PLEC: variants seen among roughly 807,000 people sequenced by gnomAD.
The protein encoded by PLEC is plectin.
PLEC carries 216 observed loss-of-function variants against 392.8 expected under a neutral mutation model. The observed-to-expected ratio is 0.55, with a 90% CI of 0.49 to 0.62. The LOEUF is 0.62. PLEC is among the 20% of genes least tolerant of loss of function. The pLI is 0.00. For missense variants in PLEC, 6,863 were observed against 6,563.4 expected (o/e 1.05, Z -1.58); for synonymous variants, 3,621 against 2,980.6 (o/e 1.21, Z -7.00).
chr8:143,951,977 G>C (rs1564212833), upstream of PLEC, among the ~76,000 whole-genome samples: 1 of 151,978 alleles, frequency 6.6e-6, no homozygotes, highest in African/African-American at 2.4e-5. Context: ...CACCCGTATC[G>C]CTGCTCGCCC....
upstream of PLEC, chr8:143,942,446 C>T (rs782745581): frequency 1.9e-6 from 3 of 1,603,066 alleles, no homozygotes; most frequent in East Asian, 2.2e-5. Flanking sequence ...TCGCAGCCCC[C>T]GTCCAGCCAG....
At chr8:143,931,791 C>T in intron 18 of PLEC, 132 bp from the exon 19 acceptor site, 1 of 1,481,918 alleles carries the variant, frequency 6.7e-7, no homozygotes. Flanking sequence ...TGGGGAGCAC[C>T]CCTGTCCAAG....
At position 143,916,353 on chromosome 8, in the gene PLEC, G is replaced by A. The variant is rs782717056; in HGVS notation, c.13468C>T (p.Arg4490Cys). Reference sequence around the variant, plus strand: ...CGGGAGCCGGTGCGCGAGCCGGTGCGGGAGCCAGCGGTAGAGCCGGAGCCG... The same window carrying A: ...CGGGAGCCGGTGCGCGAGCCGGTGCAGGAGCCAGCGGTAGAGCCGGAGCCG... ...VSGSGSTAGSRTGSRTGSRAG... is the reference protein window; with the variant it reads ...VSGSGSTAGSCTGSRTGSRAG... Residue 4490 changes from arginine to cysteine, a missense_variant, in exon 32 of 32, where the codon CGC (arginine) becomes TGC (cysteine). Physicochemically the swap from Arg to Cys is radical, Grantham distance 180. Coordinates refer to ENST00000345136, the MANE Select transcript of PLEC (RefSeq NM_201384.3). The A allele has an allele frequency of 5.1e-5, 82 of 1,605,858 alleles. No homozygotes were observed. The highest frequency in any genetic ancestry group is 1.7e-4 in the South Asian group (15 of 90,820).
chr8:143,933,425 C>A, intron 12 of PLEC, 74 bp from the exon 13 acceptor site: 1 of 1,570,072 alleles, frequency 6.4e-7, no homozygotes, highest in Non-Finnish European at 8.7e-7. Flanking sequence ...GCCAAGACGG[C>A]CACCCTCAGC....
chr8:143,930,324 C>A (rs782556271), intron 20 of PLEC, 26 bp from the exon 21 acceptor site: 3 of 1,595,036 alleles, frequency 1.9e-6, no homozygotes, highest in Admixed American at 3.4e-5. Context: ...TCGGTGAGGA[C>A]ATGGCCACAC....
rs575902268 is a variant in PLEC at position 143,950,086 on chromosome 8, G to A, written c.523+98C>T. On this transcript the variant is annotated intron_variant, in intron 1 of 31. Coordinates refer to the PLEC transcript ENST00000322810. ...GTGAGCGACGCTCCGCAAGCCGGCTGACCACTCCAACCACTCCAGCCCAGG... is the reference window on the plus strand; with the variant it reads ...GTGAGCGACGCTCCGCAAGCCGGCTAACCACTCCAACCACTCCAGCCCAGG... 7.8e-6 allele frequency: 11 copies of A among 1,408,046 alleles called. No homozygotes were observed. The East Asian group carries it at 2.5e-4, about 32-fold the overall frequency. The allele number at this position is 1,408,046 out of a possible 1,614,324, so 87.2% of individuals were successfully genotyped here.
chr8:143,957,630 T>C (rs10095172), upstream of PLEC, among the ~76,000 whole-genome samples: 27,865 of 152,018 alleles, frequency 0.18, 6,256 homozygotes, highest in African/African-American at 0.53. Flanking sequence ...CAGAGCAACC[T>C]CCTCTTCACC....
At chr8:143,953,686 G>T (rs782163864), upstream of PLEC, 11 of 1,594,844 alleles carry the variant, frequency 6.9e-6, no homozygotes. Context: ...TCACTGTGTG[G>T]TCCGCGCCCC....
In PLEC at chr8:143,926,977, C is replaced by T; in HGVS notation, c.3945G>A (p.Glu1315=). Residue 1315 remains glutamate (E), a splice_region_variant and synonymous_variant, in exon 29 of 32, where the codon GAG becomes GAA. Coordinates refer to ENST00000345136, the MANE Select transcript of PLEC (RefSeq NM_201384.3). Reference sequence around the variant, plus strand: ...CCAGTTAGGTTCGGCCCCACCCTACCTCCTGGATGACACTCTCTGATCCCG... The same window carrying T: ...CCAGTTAGGTTCGGCCCCACCCTACTTCCTGGATGACACTCTCTGATCCCG... ...VQSGSESVIQ[E]YVDLRTHYSE... is the part of the protein sequence containing the mutation. The T allele has an allele frequency of 6.2e-7, 1 of 1,612,768 alleles. No individual in the cohort carries two copies. The highest frequency in any genetic ancestry group is 8.5e-7 in the Non-Finnish European group (1 of 1,179,510).
At chr8:143,931,759 G>C in intron 18 of PLEC, 100 bp from the exon 19 acceptor site, 1 of 1,538,598 alleles carries the variant, frequency 6.5e-7, no homozygotes, top group East Asian at 2.4e-5. Context: ...TGAGGAAGGA[G>C]TGGCAAAGCC....
At chr8:143,957,917 C>A (rs1225725058), upstream of PLEC, among the ~76,000 whole-genome samples, 1 of 152,064 alleles carries the variant, frequency 6.6e-6, no homozygotes, top group African/African-American at 2.4e-5. Context: ...AGGCGACCTG[C>A]GACAGGCAGA....
chr8:143,934,128 G>C (rs552889311), intron 11 of PLEC, 37 bp from the exon 12 acceptor site: 3 of 1,602,322 alleles, frequency 1.9e-6, no homozygotes, highest in East Asian at 2.3e-5. Context: ...CGCGTTGGCC[G>C]GGTCCGGCAC....
At chr8:143,939,633 C>G (rs960980029), upstream of PLEC, 2 of 1,426,796 alleles carry the variant, frequency 1.4e-6, no homozygotes, top group Non-Finnish European at 1.8e-6. Flanking sequence ...CTGTACTCCC[C>G]GGCGAGGCCG....
upstream of PLEC, among the ~76,000 whole-genome samples, chr8:143,942,177 C>T (rs1830593128): frequency 6.6e-6 from 1 of 151,008 alleles, no homozygotes; most frequent in African/African-American, 2.5e-5. Context: ...GCCCCGCCCC[C>T]TCCAGCCCCT....
chr8:143,968,013 A>G (rs1279962146), intron 1 of PLEC, among the ~76,000 whole-genome samples: 9 of 151,906 alleles, frequency 5.9e-5, no homozygotes, highest in African/African-American at 2.2e-4. Context: ...ATGTAATCCC[A>G]GCTACTCGGC....
upstream of PLEC, among the ~76,000 whole-genome samples, chr8:143,951,784 A>G (rs1832171801): frequency 1.3e-5 from 2 of 152,286 alleles, no homozygotes; most frequent in South Asian, 4.1e-4. Context: ...CCAGGCCAGA[A>G]GACGGCCAGG....
chr8:143,962,699 G>A (rs1275965491), intron 1 of PLEC, among the ~76,000 whole-genome samples: 2 of 152,234 alleles, frequency 1.3e-5, no homozygotes, highest in East Asian at 1.9e-4. Flanking sequence ...ACATTGAAGC[G>A]AAACTTCGCC....
chr8:143,923,525 G>T lies in PLEC; in HGVS notation c.6404C>A (p.Ala2135Glu). The change falls in exon 31 of 32, where the codon GCA (alanine) becomes GAA (glutamate). Residue 2135 changes from alanine (A) to glutamate (E), a missense_variant. Transcript: ENST00000345136. ...AQARAQAQAAAEKLRKEAEQE... is the reference protein window; with the variant it reads ...AQARAQAQAAEEKLRKEAEQE... Reference sequence around the variant, plus strand: ...CTCGGCCTCCTTGCGCAGCTTCTCTGCAGCCGCCTGTGCCTGAGCCCGGGC... The same window carrying T: ...CTCGGCCTCCTTGCGCAGCTTCTCTTCAGCCGCCTGTGCCTGAGCCCGGGC... The T allele has an allele frequency of 1.3e-6, 2 of 1,593,772 alleles. No individual in the cohort carries two copies.
At chr8:143,972,250 C>A (rs1833465614) in intron 1 of PLEC, among the ~76,000 whole-genome samples, 1 of 152,244 alleles carries the variant, frequency 6.6e-6, no homozygotes, top group Non-Finnish European at 1.5e-5. Flanking sequence ...CCCTCTAAGG[C>A]AGGGCCGGCC....
Sources: allele counts gnomAD v4.1 joint callset (sites outside exome capture counted in the v4.1 genomes callset), GRCh38; gene constraint gnomAD v4.1.1; transcripts MANE v1.5; gene names NCBI Gene and HGNC (gene_info 2026-07-23, HGNC 2026-07-21).